The following ADK variants were observed in gnomAD, a reference collection of about 807,000 sequenced individuals.
ADK encodes N6,N6-dimethyladenosine kinase.
In ADK, 24 loss-of-function variants were observed where a neutral mutation model predicts 44.7. The observed-to-expected ratio is 0.54, with a 90% CI of 0.39 to 0.76. The LOEUF (loss-of-function observed/expected upper bound fraction) is 0.76. ADK is among the 30% of genes least tolerant of loss of function. The pLI, the probability that ADK is intolerant of heterozygous loss-of-function variation, is 0.00. For missense variants in ADK, 321 were observed against 425.1 expected, an observed-to-expected ratio of 0.76 and a Z score of 2.15; for synonymous variants, 128 against 142.6, an observed-to-expected ratio of 0.90 and a Z score of 0.73.
At chr10:74,406,870 G>C (rs1326450616) in intron 6 of ADK, among the ~76,000 whole-genome samples, 3 of 151,774 alleles carry the variant, frequency 2.0e-5, no homozygotes, top group Non-Finnish European at 4.4e-5. Flanking sequence ...TAGTAGAGGT[G>C]GGTTTTCACC....
At position 74,183,587 on chromosome 10, in the gene ADK, C is replaced by T. The variant is rs147206150; in HGVS notation, c.66-17177C>T. ...GTGCAGTGGCGCCATCTTGGCTCACCGCAACCTCCACTTCCCAGGTTCAAG... is the reference window on the plus strand; with the variant it reads ...GTGCAGTGGCGCCATCTTGGCTCACTGCAACCTCCACTTCCCAGGTTCAAG... On this transcript the variant is annotated intron_variant, in intron 1 of 10. Transcript: ENST00000539909. Among the ~76,000 whole-genome samples the T allele has an allele frequency of 2.0e-3, 299 of 151,914 alleles. 2 individuals carry two copies. The highest frequency in any genetic ancestry group is 6.4e-3 in the African/African-American group (264 of 41,444).
intron 4 of ADK, among the ~76,000 whole-genome samples, chr10:74,388,682 T>G (rs1023234510): frequency 6.6e-6 from 1 of 152,176 alleles, no homozygotes; most frequent in Admixed American, 6.5e-5. Context: ...AGAAATACAT[T>G]AGATTTTTAT....
At chr10:74,611,013 A>G (rs1395055684) in intron 9 of ADK, among the ~76,000 whole-genome samples, 1 of 152,058 alleles carries the variant, frequency 6.6e-6, no homozygotes, top group Admixed American at 6.6e-5. Flanking sequence ...CCACTGAAAA[A>G]TAAACTGTAG....
At chr10:74,308,859 C>T (rs544508000) in intron 3 of ADK, among the ~76,000 whole-genome samples, 4 of 152,048 alleles carry the variant, frequency 2.6e-5, no homozygotes, top group Non-Finnish European at 4.4e-5. Flanking sequence ...TATGCTCACT[C>T]GCTCTCTCTC....
At chr10:74,563,712 A>G (rs1850544068) in intron 7 of ADK, among the ~76,000 whole-genome samples, 1 of 152,232 alleles carries the variant, frequency 6.6e-6, no homozygotes, top group African/African-American at 2.4e-5. Context: ...AAATATGGCA[A>G]GTTGCAAAGT....
chr10:74,637,453 A>G (rs925706051), intron 9 of ADK, among the ~76,000 whole-genome samples: 2 of 152,282 alleles, frequency 1.3e-5, no homozygotes, highest in South Asian at 2.1e-4. Context: ...ACCTGGTTCT[A>G]TATAATCAAG....
chr10:74,407,979 A>G (rs1287018542), intron 6 of ADK, among the ~76,000 whole-genome samples: 1 of 151,480 alleles, frequency 6.6e-6, no homozygotes, highest in Non-Finnish European at 1.5e-5. Flanking sequence ...TTTTTCAAGA[A>G]TGCCTAATTT....
chr10:74,312,914 C>CAA lies in ADK; in HGVS notation c.195-1728_195-1727dup, dbSNP rs56052959. Among the ~76,000 whole-genome samples the CAA allele has an allele frequency of 8.5e-3, 319 of 37,750 alleles. 34 individuals are homozygous for CAA. The highest frequency in any genetic ancestry group is 0.1 in the Middle Eastern group (2 of 20). 24.8% of individuals were successfully genotyped at this position (37,750 alleles called of 152,430 possible). A position where few individuals can be genotyped will look rare whatever the true frequency, so the allele number is the denominator to read the frequency against. ...GGATGAAAAAGGAAGATTCTGTCTC[C>CAA]AAAAAAAAAAAAAAAAAAAAAAAAA... On this transcript the variant is annotated intron_variant, in intron 3 of 10. Transcript: ENST00000539909.
At chr10:74,336,053 T>A (rs999714545) in intron 4 of ADK, among the ~76,000 whole-genome samples, 1 of 152,172 alleles carries the variant, frequency 6.6e-6, no homozygotes, top group Non-Finnish European at 1.5e-5. Flanking sequence ...TGGATTATGC[T>A]TTTGTGTCAT....
chr10:74,663,234 CA>C (rs199865584), intron 9 of ADK, among the ~76,000 whole-genome samples: 25 of 129,284 alleles, frequency 1.9e-4, no homozygotes, highest in African/African-American at 4.2e-4. Context: ...GATGCTATCT[CA>C]AAAAAAAAAA....
chr10:74,560,359 G>A (rs1554881156), intron 7 of ADK, among the ~76,000 whole-genome samples: 1 of 152,138 alleles, frequency 6.6e-6, no homozygotes, highest in Non-Finnish European at 1.5e-5. Context: ...TTTCATATGG[G>A]TCTAATTTAT....
At chr10:74,694,156 T>TA in intron 10 of ADK, among the ~76,000 whole-genome samples, 1 of 144,744 alleles carries the variant, frequency 6.9e-6, no homozygotes, top group Non-Finnish European at 1.5e-5. Context: ...CATTTTTTTT[T>TA]TTTTTTTTTT....
intron 9 of ADK, among the ~76,000 whole-genome samples, chr10:74,629,305 C>T (rs979884038): frequency 3.9e-5 from 6 of 152,100 alleles, no homozygotes; most frequent in Admixed American, 3.9e-4. Flanking sequence ...ACTGGGATTG[C>T]AGGGCACCCT....
intron 7 of ADK, among the ~76,000 whole-genome samples, chr10:74,564,267 G>A (rs912578728): frequency 6.6e-6 from 1 of 152,094 alleles, no homozygotes. Flanking sequence ...TAAGTTAAAT[G>A]CACCCATCAA....
intron 4 of ADK, chr10:74,372,517 G>A (rs1842693505): frequency 5.5e-6 from 2 of 362,744 alleles, no homozygotes; most frequent in Non-Finnish European, 5.2e-6. Context: ...AAGGTTGACA[G>A]ATAAAATATC....
At chr10:74,603,429 C>T (rs1852213819) in intron 9 of ADK, among the ~76,000 whole-genome samples, 1 of 152,088 alleles carries the variant, frequency 6.6e-6, no homozygotes, top group African/African-American at 2.4e-5. Flanking sequence ...CCCCGACAGG[C>T]CCTGGTGTGT....
intron 1 of ADK, among the ~76,000 whole-genome samples, chr10:74,185,082 T>C (rs929636610): frequency 1.3e-5 from 2 of 152,220 alleles, no homozygotes; most frequent in African/African-American, 2.4e-5. Flanking sequence ...ATGGGTGTTT[T>C]GAAGATATTA....
intron 10 of ADK, among the ~76,000 whole-genome samples, chr10:74,705,145 C>T (rs775263144): frequency 1.8e-4 from 28 of 152,174 alleles, no homozygotes; most frequent in Non-Finnish European, 3.4e-4. Flanking sequence ...TTATAATGTT[C>T]TCTACAGGTC....
chr10:74,242,357 C>CTTTGT lies in ADK; in HGVS notation c.194+17768_194+17769insTGTTT, dbSNP rs536166406. Among the ~76,000 whole-genome samples, 25 of 152,262 alleles carry CTTTGT rather than the reference C, an allele frequency of 1.6e-4. No homozygotes were observed. The East Asian group carries it at 3.9e-3, about 23-fold the overall frequency. On this transcript the variant is annotated intron_variant, in intron 3 of 10. Transcript: ENST00000539909. ...AGTGTAATTTCCATAAGGGAATGGGCTTATATCTTTGTTTATTTGTGTTTG... is the reference window on the plus strand; with the variant it reads ...AGTGTAATTTCCATAAGGGAATGGGCTTTGTTTATATCTTTGTTTATTTGTGTTTG...
Sources: gnomAD v4.1 joint callset for allele counts (sites outside exome capture counted in the v4.1 genomes callset) on GRCh38, gnomAD v4.1.1 for gene constraint, MANE v1.5 for transcripts, NCBI Gene and HGNC (gene_info 2026-07-23, HGNC 2026-07-21) for gene names.